Variants in DISC1 observed in about 807,000 individuals in gnomAD.
DISC1 encodes the protein disrupted in schizophrenia 1 protein.
DISC1 carries 57 observed loss-of-function variants against 84.5 expected under a neutral mutation model. The ratio of observed to expected loss-of-function variants is 0.67; its 90% CI spans 0.55 to 0.84. DISC1 has a LOEUF of 0.84. DISC1 is among the 40% of genes least tolerant of loss of function. DISC1 has a pLI of 0.00. For synonymous variants in DISC1, 411 were observed against 415.2 expected (o/e 0.99, Z 0.12); for missense variants, 1,000 against 1,057.8 (o/e 0.95, Z 0.76).
At chr1:231,903,457 T>A (rs2126032484) in intron 9 of DISC1, among the ~76,000 whole-genome samples, 1 of 152,288 alleles carries the variant, frequency 6.6e-6, no homozygotes, top group Admixed American at 6.5e-5. Context: ...GCAATAAATA[T>A]ATAATATGTG....
At chr1:231,763,544 C>T (rs754958008) in intron 4 of DISC1, among the ~76,000 whole-genome samples, 35 of 152,212 alleles carry the variant, frequency 2.3e-4, no homozygotes, top group Middle Eastern at 6.8e-3. Flanking sequence ...AGCAAGGTTC[C>T]TTTTTCTGTA....
At chr1:231,850,105 G>A (rs1045503747) in intron 9 of DISC1, among the ~76,000 whole-genome samples, 18 of 152,310 alleles carry the variant, frequency 1.2e-4, no homozygotes, top group African/African-American at 3.6e-4. Context: ...GCCTGTGGGA[G>A]GGCTGGGCCC....
chr1:232,020,499 G>A (rs6678723), intron 11 of DISC1, among the ~76,000 whole-genome samples: 28,651 of 152,102 alleles, frequency 0.19, 2,833 homozygotes, highest in African/African-American at 0.21. Context: ...GAAGGTTTCC[G>A]ACATTCTTAG....
chr1:231,633,876 C>A lies in DISC1; in HGVS notation c.67+6942C>A, dbSNP rs1227960810. 3.4e-5 allele frequency among the ~76,000 whole-genome samples: 5 copies of A among 148,678 alleles called. No homozygotes were observed. The Admixed American group carries it at 3.5e-4, about 10-fold the overall frequency. On this transcript the variant is annotated intron_variant, in intron 1 of 12. Transcript: ENST00000439617. ...GCCTACCTAACTTTTCTTTTTCATA[C>A]CTGTCATCTTTTTTTTTTTTTTTTT... is the stretch of plus-strand genomic sequence containing the variant.
chr1:231,802,307 G>T (rs1481213782), intron 8 of DISC1, among the ~76,000 whole-genome samples: 2 of 152,230 alleles, frequency 1.3e-5, no homozygotes, highest in East Asian at 1.9e-4. Context: ...GTTATCATGA[G>T]ATCTGATGGT....
chr1:231,868,825 C>T (rs1330629427), intron 9 of DISC1, among the ~76,000 whole-genome samples: 1 of 148,848 alleles, frequency 6.7e-6, no homozygotes, highest in African/African-American at 2.5e-5. Context: ...TTTGAGGCTT[C>T]AGTGTGCTGT....
At chr1:231,729,064 TC>T (rs2071161083) in intron 3 of DISC1, among the ~76,000 whole-genome samples, 1 of 152,156 alleles carries the variant, frequency 6.6e-6, no homozygotes, top group Non-Finnish European at 1.5e-5. Context: ...ATTGTTCAAT[TC>T]CCACCTACGA....
chr1:231,960,498 G>A (rs921893708), intron 10 of DISC1, among the ~76,000 whole-genome samples: 13 of 152,038 alleles, frequency 8.6e-5, no homozygotes, highest in African/African-American at 3.1e-4. Flanking sequence ...GGTGATCCAC[G>A]GCCTTGGCCT....
chr1:231,910,454 G>C (rs1249385681), intron 9 of DISC1, among the ~76,000 whole-genome samples: 2 of 152,170 alleles, frequency 1.3e-5, no homozygotes, highest in Admixed American at 6.5e-5. Context: ...TTCAGGGGCA[G>C]GTTGTTCAGT....
At chr1:231,919,773 C>T (rs1298608666) in intron 9 of DISC1, among the ~76,000 whole-genome samples, 1 of 152,132 alleles carries the variant, frequency 6.6e-6, no homozygotes, top group Non-Finnish European at 1.5e-5. Flanking sequence ...TGGTTTTATG[C>T]ACAGAATTTT....
chr1:231,790,759 C>T (rs182103153), intron 6 of DISC1, among the ~76,000 whole-genome samples: 70 of 152,274 alleles, frequency 4.6e-4, no homozygotes, highest in African/African-American at 1.6e-3. Context: ...ACCTTGTGAT[C>T]TGCCCACCTC....
chr1:231,770,969 G>T lies in DISC1; in HGVS notation c.1533G>T (p.Leu511=), dbSNP rs145261336. The stretch of plus-strand genomic sequence containing the variant: ...ACCTGACCCCACTGGTGGGCCAGCT[G>T]TCCCTGGGTCAGCTGCAGGAGGTCA... ...GCDLTPLVGQ[L]SLGQLQEVSK... Residue 511 remains leucine (L), a synonymous_variant, in exon 6 of 13, where the codon CTG becomes CTT. Transcript: ENST00000439617. 162 of 1,613,858 alleles carry T rather than the reference G, an allele frequency of 1.0e-4. 4 individuals carry two copies. In the East Asian group the frequency reaches 3.5e-3, roughly 35 times the overall value.
chr1:231,751,891 A>C (rs1400477621), intron 4 of DISC1, among the ~76,000 whole-genome samples: 1 of 152,242 alleles, frequency 6.6e-6, no homozygotes, highest in African/African-American at 2.4e-5. Flanking sequence ...TTTAATGTTC[A>C]TGACAATTCT....
chr1:231,942,070 C>T (rs1182409920), intron 9 of DISC1, among the ~76,000 whole-genome samples: 3 of 151,952 alleles, frequency 2.0e-5, no homozygotes, highest in African/African-American at 7.2e-5. Context: ...ACGAGGTAAC[C>T]AGGGGATGAG....
At chr1:231,816,977 C>A (rs2081068105) in intron 8 of DISC1, among the ~76,000 whole-genome samples, 1 of 152,026 alleles carries the variant, frequency 6.6e-6, no homozygotes, top group South Asian at 2.1e-4. Context: ...CTTTCTCCCT[C>A]TCCTTCTTTG....
chr1:231,937,512 G>A (rs201513254), intron 9 of DISC1, among the ~76,000 whole-genome samples: 94 of 152,312 alleles, frequency 6.2e-4, no homozygotes, highest in Admixed American at 1.0e-3. Flanking sequence ...CATGCATGTG[G>A]GATAAAGCCA....
chr1:231,801,734 T>C (rs2738864), intron 8 of DISC1, among the ~76,000 whole-genome samples: 113,043 of 152,046 alleles, frequency 0.74, 42,223 homozygotes, highest in Admixed American at 0.78. Context: ...ATTTCTGTTT[T>C]CTCCTGTTTC....
intron 8 of DISC1, among the ~76,000 whole-genome samples, chr1:231,801,767 C>T (rs373012113): frequency 6.6e-6 from 1 of 151,890 alleles, no homozygotes; most frequent in African/African-American, 2.4e-5. Context: ...ATGGGCAAAC[C>T]CTCACTCCAT....
At chr1:231,939,962 C>G (rs1460784487) in intron 9 of DISC1, among the ~76,000 whole-genome samples, 1 of 152,122 alleles carries the variant, frequency 6.6e-6, no homozygotes, top group Non-Finnish European at 1.5e-5. Context: ...AGGCTGGTCT[C>G]AAACTCATGA....
Sources: gnomAD v4.1 joint callset for allele counts (sites outside exome capture counted in the v4.1 genomes callset) on GRCh38, gnomAD v4.1.1 for gene constraint, MANE v1.5 for transcripts, NCBI Gene and HGNC (gene_info 2026-07-23, HGNC 2026-07-21) for gene names.